The following CPLX1 variants were observed in gnomAD, a reference collection of about 807,000 sequenced individuals.
CPLX1 encodes the protein complexin-1.
Under a neutral mutation model 15.6 loss-of-function variants are expected in CPLX1, and 6 were observed. The ratio of observed to expected loss-of-function variants is 0.39; its 90% CI spans 0.21 to 0.76. CPLX1 has a LOEUF of 0.76. Among genes scored for constraint, CPLX1 ranks in the 30% least tolerant of loss-of-function variants. The probability of loss-of-function intolerance (pLI) is 0.43; values close to 1 mark genes in which losing one functional copy is unlikely to be tolerated. For missense variants in CPLX1, 242 were observed against 188.6 expected (o/e 1.28, Z -1.66); for synonymous variants, 91 against 75.2 (o/e 1.21, Z -1.08).
At chr4:789,144 GGGAAAACA>G (rs1746090988) in intron 3 of CPLX1, among the ~76,000 whole-genome samples, 1 of 152,308 alleles carries the variant, frequency 6.6e-6, no homozygotes, top group African/African-American at 2.4e-5. Context: ...TCACTCTGCC[GGGAAAACA>G]GGCTCCGGGG....
Position 786,530 on chromosome 4 carries a change from C to T in CPLX1, c.376G>A (p.Gly126Arg), listed in dbSNP as rs748599445. The T allele has an allele frequency of 2.5e-6, 4 of 1,602,722 alleles. No homozygotes were observed. Among genetic ancestry groups the T allele is most frequent in the Admixed American group, 1.7e-5 (1 of 58,752 alleles). ...ILDTVIKYLP[G>R]PLQDMLKK Reference sequence around the variant, plus strand: ...TTCTTGAGCATGTCCTGCAGCGGCCCGGGCAGGTACTTGATGACGGTGTCC... The same window carrying T: ...TTCTTGAGCATGTCCTGCAGCGGCCTGGGCAGGTACTTGATGACGGTGTCC... The change falls in exon 4 of 4, where the codon GGG becomes AGG. Residue 126 changes from glycine (G) to arginine (R), a missense_variant. By Grantham distance (125) the Gly-to-Arg change is moderately radical (BLOSUM62 -2). Coordinates refer to ENST00000304062, the MANE Select transcript of CPLX1 (RefSeq NM_006651.4).
At chr4:796,014 G>C (rs1245939131) in intron 2 of CPLX1, among the ~76,000 whole-genome samples, 3 of 152,130 alleles carry the variant, frequency 2.0e-5, no homozygotes, top group Non-Finnish European at 4.4e-5. Context: ...TGGCACCCAC[G>C]CTCCCGAGAC....
intron 2 of CPLX1, among the ~76,000 whole-genome samples, chr4:812,202 G>T (rs567849910): frequency 6.6e-6 from 1 of 152,130 alleles, no homozygotes. Context: ...AGCCTCCCGA[G>T]TAGCTGGGAC....
chr4:819,089 C>T (rs1379570272), intron 2 of CPLX1, among the ~76,000 whole-genome samples: 7 of 152,246 alleles, frequency 4.6e-5, no homozygotes, highest in African/African-American at 9.6e-5. Flanking sequence ...AAACGCTCTG[C>T]GCTCCCCGTG....
At chr4:796,546 G>A (rs961555635) in intron 2 of CPLX1, among the ~76,000 whole-genome samples, 2 of 152,154 alleles carry the variant, frequency 1.3e-5, no homozygotes, top group African/African-American at 4.8e-5. Context: ...GCCTCCTAAA[G>A]TGCTGGGATT....
At chr4:814,707 G>A (rs556208930) in intron 2 of CPLX1, among the ~76,000 whole-genome samples, 17 of 152,370 alleles carry the variant, frequency 1.1e-4, no homozygotes, top group African/African-American at 3.6e-4. Flanking sequence ...CCAGGAGTCC[G>A]GGAGGAACAC....
Position 802,950 on chromosome 4 carries a change from CAA to C in CPLX1, c.32-10344_32-10343del, listed in dbSNP as rs34752621. 5.8e-3 allele frequency among the ~76,000 whole-genome samples: 576 copies of C among 98,962 alleles called. 2 individuals carry two copies. The highest frequency in any genetic ancestry group is 0.015 in the African/African-American group (496 of 32,074). The allele number at this position is 98,962 out of a possible 152,430, so 64.9% of individuals were successfully genotyped here. ...TGAGCATTAGAGTGAGACTCTGTCTCAAAAAAAAAAAAAAAAAATTCCAGAAA... is the reference window on the plus strand; with the variant it reads ...TGAGCATTAGAGTGAGACTCTGTCTCAAAAAAAAAAAAAAAATTCCAGAAA... On this transcript the variant is annotated intron_variant, in intron 2 of 3. Coordinates refer to ENST00000304062, the MANE Select transcript of CPLX1 (RefSeq NM_006651.4).
At chr4:804,678 G>T in intron 2 of CPLX1, 2 of 945,292 alleles carry the variant, frequency 2.1e-6, no homozygotes, top group Non-Finnish European at 2.5e-6. Context: ...TGGGGCTTTG[G>T]ATAAAATTAA....
intron 2 of CPLX1, among the ~76,000 whole-genome samples, chr4:816,739 T>C (rs1009584976): frequency 5.9e-5 from 9 of 152,102 alleles, no homozygotes; most frequent in African/African-American, 1.9e-4. Flanking sequence ...GAAGGCTCAC[T>C]TGAGCCCGGG....
At chr4:790,949 T>A (rs1465165859) in intron 3 of CPLX1, among the ~76,000 whole-genome samples, 3 of 146,302 alleles carry the variant, frequency 2.1e-5, no homozygotes. Flanking sequence ...TTTTTCTCTG[T>A]CTCTCCCTCT....
chr4:798,272 C>CAA (rs35668656), intron 2 of CPLX1, among the ~76,000 whole-genome samples: 8,047 of 75,168 alleles, frequency 0.11, 482 homozygotes, highest in Non-Finnish European at 0.15. Flanking sequence ...GACTCCGTCT[C>CAA]AAAAAAAAAA....
chr4:822,767 CAAT>C (rs1746896138), intron 2 of CPLX1, among the ~76,000 whole-genome samples: 1 of 152,202 alleles, frequency 6.6e-6, no homozygotes, highest in Admixed American at 6.5e-5. Context: ...GAGACAGCAA[CAAT>C]GAGGCTCGCC....
chr4:788,402 T>C (rs6815765), intron 3 of CPLX1: 195,914 of 985,116 alleles, frequency 0.2, 22,550 homozygotes, highest in African/African-American at 0.5. Flanking sequence ...CAGCCGCCTG[T>C]GGCCAGACCA....
At chr4:797,670 A>T (rs1746369708) in intron 2 of CPLX1, among the ~76,000 whole-genome samples, 1 of 149,876 alleles carries the variant, frequency 6.7e-6, no homozygotes, top group Admixed American at 6.6e-5. Flanking sequence ...GCGGTGGCTC[A>T]CGCCTGTAAT....
intron 2 of CPLX1, among the ~76,000 whole-genome samples, chr4:816,643 T>C (rs1254743765): frequency 6.6e-6 from 1 of 151,954 alleles, no homozygotes; most frequent in Non-Finnish European, 1.5e-5. Flanking sequence ...CTGGGAAACA[T>C]GGTGGGACCC....
At chr4:812,680 T>C (rs777553264) in intron 2 of CPLX1, among the ~76,000 whole-genome samples, 1 of 152,078 alleles carries the variant, frequency 6.6e-6, no homozygotes, top group Non-Finnish European at 1.5e-5. Flanking sequence ...AGAATATACT[T>C]AGGGGCCAGG....
chr4:798,448 G>A (rs1042521613), intron 2 of CPLX1, among the ~76,000 whole-genome samples: 32 of 152,264 alleles, frequency 2.1e-4, no homozygotes, highest in Admixed American at 1.7e-3. Context: ...GTCTTGCTCC[G>A]TTGCCCAGGC....
At chr4:792,100 C>T (rs1746193156) in intron 3 of CPLX1, among the ~76,000 whole-genome samples, 1 of 151,344 alleles carries the variant, frequency 6.6e-6, no homozygotes, top group Admixed American at 6.5e-5. Flanking sequence ...TGAGAGCGCA[C>T]CCCCCATGCC....
At chr4:825,992 G>GAAGC (rs1746982485) in intron 1 of CPLX1, 54 bp downstream of exon 1, 1 of 147,342 alleles carries the variant, frequency 6.8e-6, no homozygotes. Context: ...GGGGCCGGGA[G>GAAGC]GGGAGACCCG....
Sources: gnomAD v4.1 joint callset for allele counts (sites outside exome capture counted in the v4.1 genomes callset) on GRCh38, gnomAD v4.1.1 for gene constraint, MANE v1.5 for transcripts, NCBI Gene and HGNC (gene_info 2026-07-23, HGNC 2026-07-21) for gene names.